The following SLC16A14 variants were observed in gnomAD, a reference collection of about 807,000 sequenced individuals.
SLC16A14 encodes the protein solute carrier family 16 member 14.
Under a neutral mutation model 35.8 loss-of-function variants are expected in SLC16A14, and 14 were observed. The ratio of observed to expected loss-of-function variants is 0.39; its 90% CI spans 0.26 to 0.61. SLC16A14 has a LOEUF of 0.61. Ranked by LOEUF, SLC16A14 falls within the 20% of genes least tolerant of loss-of-function variation. The pLI, the probability that SLC16A14 is intolerant of heterozygous loss-of-function variation, is 0.51. For missense variants in SLC16A14, 533 were observed against 655.0 expected (o/e 0.81, Z 2.03); for synonymous variants, 248 against 258.9 (o/e 0.96, Z 0.40).
intron 4 of SLC16A14, among the ~76,000 whole-genome samples, chr2:230,044,494 G>A (rs1200502089): frequency 6.9e-6 from 1 of 145,604 alleles, no homozygotes; most frequent in African/African-American, 2.5e-5. Flanking sequence ...AAAAAAAAGT[G>A]AAAGGAGGTG....
chr2:230,048,792 G>T (rs1577389860), intron 3 of SLC16A14, among the ~76,000 whole-genome samples: 3 of 151,594 alleles, frequency 2.0e-5, no homozygotes, highest in Non-Finnish European at 4.4e-5. Context: ...GCATGGTGGT[G>T]CATGCCTGTA....
At chr2:230,056,602 T>G (rs2077706948) in intron 2 of SLC16A14, among the ~76,000 whole-genome samples, 1 of 151,968 alleles carries the variant, frequency 6.6e-6, no homozygotes, top group South Asian at 2.1e-4. Flanking sequence ...GTGGAGTGGC[T>G]CACACCTGTA....
intron 4 of SLC16A14, among the ~76,000 whole-genome samples, chr2:230,043,020 G>T (rs1445997113): frequency 2.0e-5 from 3 of 152,198 alleles, no homozygotes; most frequent in Non-Finnish European, 4.4e-5. Flanking sequence ...ACAGAAATCT[G>T]CTTAAACTAT....
intron 1 of SLC16A14, among the ~76,000 whole-genome samples, chr2:230,064,393 T>C (rs1049144291): frequency 6.6e-6 from 1 of 151,874 alleles, no homozygotes; most frequent in Non-Finnish European, 1.5e-5. Context: ...TAGAAAGGGA[T>C]GGGGCAGCCC....
intron 4 of SLC16A14, among the ~76,000 whole-genome samples, chr2:230,044,198 G>T (rs117699838): frequency 0.028 from 4,255 of 152,180 alleles, 67 homozygotes; most frequent in Middle Eastern, 0.075. Flanking sequence ...AGGTGGCTGG[G>T]CATGGTGGCT....
intron 4 of SLC16A14, 24 bp downstream of exon 4, chr2:230,045,721 C>T (rs1421430966): frequency 1.2e-6 from 2 of 1,613,536 alleles, no homozygotes; most frequent in East Asian, 2.2e-5. Context: ...GCACTCTGAG[C>T]TCTTAAAACC....
intron 4 of SLC16A14, among the ~76,000 whole-genome samples, chr2:230,042,308 A>G (rs2077567467): frequency 6.6e-6 from 1 of 152,210 alleles, no homozygotes; most frequent in Non-Finnish European, 1.5e-5. Flanking sequence ...TCTACTTATC[A>G]TTCCTTTCTC....
Position 230,059,330 on chromosome 2 carries a change from A to C in SLC16A14, c.23T>G (p.Ile8Ser). The change falls in exon 2 of 5, where the codon ATT becomes AGT. Residue 8 changes from isoleucine to serine, a missense_variant. By Grantham distance (142) the Ile-to-Ser change is moderately radical. Coordinates refer to ENST00000295190, the MANE Select transcript of SLC16A14 (RefSeq NM_152527.5). The part of the protein sequence containing the change: MYTSHED[I>S]GYDFEDGPKD... ...GGGGCCATCTTCAAAATCATACCCA[A>C]TATCTTCATGACTGGTATACATTTT... 1 of 1,604,824 alleles carries C rather than the reference A, an allele frequency of 6.2e-7. No individual in the cohort carries two copies. The highest frequency in any genetic ancestry group is 1.3e-5 in the African/African-American group (1 of 74,694).
At position 230,046,505 on chromosome 2, in the gene SLC16A14, CG is replaced by C; in HGVS notation, c.620del (p.Ala207GlyfsTer3). The C allele has an allele frequency of 6.2e-7, 1 of 1,614,196 alleles. No homozygotes were observed. The highest frequency in any genetic ancestry group is 8.5e-7 in the Non-Finnish European group (1 of 1,180,016). The part of the protein sequence containing the change: ...AVSLNLCVCG[A>X]LMRPLSPGKN... The stretch of plus-strand genomic sequence containing the variant: ...TACCAGGAGAGAGGGGCCTCATGAG[CG>C]CCCCACAAACACACAGGTTTAGGGA... On this transcript the variant is annotated frameshift_variant, in exon 4 of 5. Coordinates refer to ENST00000295190, the MANE Select transcript of SLC16A14 (RefSeq NM_152527.5). LOFTEE classifies it high-confidence loss of function. This position sits in a 1 kb window ranked among gnomAD's most constrained non-coding sequence, Gnocchi z 5.0.
At chr2:230,039,095 T>G (rs1373450804) in intron 4 of SLC16A14, among the ~76,000 whole-genome samples, 4 of 151,818 alleles carry the variant, frequency 2.6e-5, no homozygotes, top group Admixed American at 2.0e-4. Context: ...TCCGACTTCC[T>G]GGTTGTTATC....
chr2:230,042,011 A>G (rs1286519837), intron 4 of SLC16A14, among the ~76,000 whole-genome samples: 1 of 152,238 alleles, frequency 6.6e-6, no homozygotes, highest in East Asian at 1.9e-4. Flanking sequence ...AATGTTGTTC[A>G]TCATTCCTTA....
rs201623533 is a variant in SLC16A14, at chr2:230,037,512, C to T, written c.1401G>A (p.Thr467=). The T allele has an allele frequency of 2.5e-4, 407 of 1,607,896 alleles. No homozygotes were observed. Among genetic ancestry groups the T allele is most frequent in the Non-Finnish European group, 3.3e-4 (390 of 1,178,154 alleles). ...TGTAGAAGGAAAAATCATATTTTTG[C>T]GTGATGTCATAGATCCACCCTACAA... ...PPFAGWIYDI[T]QKYDFSFYIC... Residue 467 remains threonine, a synonymous_variant, in exon 5 of 5, where the codon ACG becomes ACA. Transcript: ENST00000295190.
Position 230,059,114 on chromosome 2 carries a change from A to G in SLC16A14, c.239T>C (p.Met80Thr). Residue 80 changes from methionine (M) to threonine (T), a missense_variant, in exon 2 of 5, where the codon ATG becomes ACG. Met to Thr is a moderately conservative substitution (Grantham distance 81). Coordinates refer to ENST00000295190, the MANE Select transcript of SLC16A14 (RefSeq NM_152527.5). ...GLTAWVSSLSMGITLIVGPFI... is the reference protein window; with the variant it reads ...GLTAWVSSLSTGITLIVGPFI... ...CATACCCACTATCAAGGTGATGCCCATGCTGAGGGAGCTGACCCAGGCGGT... is the reference window on the plus strand; with the variant it reads ...CATACCCACTATCAAGGTGATGCCCGTGCTGAGGGAGCTGACCCAGGCGGT... The G allele has an allele frequency of 6.2e-7, 1 of 1,613,082 alleles. No homozygotes were observed. The highest frequency in any genetic ancestry group is 8.5e-7 in the Non-Finnish European group (1 of 1,179,512).
chr2:230,043,570 G>A (rs1330680236), intron 4 of SLC16A14, among the ~76,000 whole-genome samples: 1 of 152,204 alleles, frequency 6.6e-6, no homozygotes, highest in Admixed American at 6.5e-5. Context: ...CTTGGGGGTG[G>A]CTGGGGAGAG....
At chr2:230,061,719 T>A (rs947682479) in intron 1 of SLC16A14, among the ~76,000 whole-genome samples, 1 of 151,906 alleles carries the variant, frequency 6.6e-6, no homozygotes, top group Admixed American at 6.6e-5. Flanking sequence ...ATACTTGAAA[T>A]GTTTTACTCA....
intron 3 of SLC16A14, among the ~76,000 whole-genome samples, chr2:230,047,668 A>G (rs1255616873): frequency 1.3e-5 from 2 of 152,214 alleles, no homozygotes; most frequent in Admixed American, 1.3e-4. Context: ...TCTGTTGTAC[A>G]ATATGGTGAC....
In SLC16A14 at chr2:230,049,236, A is replaced by ATTTT. The variant is rs11420320; in HGVS notation, c.403+521_403+524dup. ...AGGCAGGTGCCACCGCACTTGGCTA[A>ATTTT]TTTTTTTTTTTTTTTGTATTTTCAG... On this transcript the variant is annotated intron_variant, in intron 3 of 4. Coordinates refer to ENST00000295190, the MANE Select transcript of SLC16A14 (RefSeq NM_152527.5). 9.5e-4 allele frequency among the ~76,000 whole-genome samples: 134 copies of ATTTT among 141,552 alleles called. 1 individual carries two copies. The South Asian group carries it at 0.01, about 11-fold the overall frequency. 92.9% of individuals were successfully genotyped at this position (141,552 alleles called of 152,430 possible). A position where few individuals can be genotyped will look rare whatever the true frequency, so the allele number is the denominator to read the frequency against.
rs559590375 is a variant in SLC16A14, at chr2:230,062,742, G to A, written c.-14-3376C>T. Among the ~76,000 whole-genome samples the A allele has an allele frequency of 1.1e-4, 16 of 152,290 alleles. No homozygotes were observed. The South Asian group carries it at 3.3e-3, about 32-fold the overall frequency. ...TTACTGGGGGAAAAAATGAGTGTAG[G>A]GGATCCAAGGGTACCAGTGGAGAAG... On this transcript the variant is annotated intron_variant, in intron 1 of 4. Transcript: ENST00000295190.
In SLC16A14 at chr2:230,048,937, A is replaced by AC. The variant is rs71049618; in HGVS notation, c.403+823_403+824insG. Among the ~76,000 whole-genome samples the AC allele has an allele frequency of 2.5e-4, 36 of 145,038 alleles. 1 individual carries two copies. The highest frequency in any genetic ancestry group is 1.1e-3 in the Admixed American group (15 of 14,230). On this transcript the variant is annotated intron_variant, in intron 3 of 4. Transcript: ENST00000295190. ...AAACTCCATCTCAAAAAAAAAAAAA[A>AC]AAAAAAAACAAATGATTATTAAAGA...
Sources: allele counts gnomAD v4.1 joint callset (sites outside exome capture counted in the v4.1 genomes callset), GRCh38; gene constraint gnomAD v4.1.1; non-coding constraint Gnocchi (gnomAD v3.1); transcripts MANE v1.5; gene names NCBI Gene and HGNC (gene_info 2026-07-23, HGNC 2026-07-21).